PCDHA11: variants seen among roughly 807,000 people sequenced by gnomAD.
The protein encoded by PCDHA11 is protocadherin alpha-11.
A neutral mutation model predicts 70.3 loss-of-function variants in PCDHA11; 61 were observed. The observed-to-expected ratio is 0.87, with a 90% CI of 0.71 to 1.07. PCDHA11 has a LOEUF of 1.07. Among genes scored for constraint, PCDHA11 ranks in the 50% least tolerant of loss-of-function variants. The pLI is 0.00. For missense variants in PCDHA11, 1,324 were observed against 1,237.5 expected (o/e 1.07, Z -1.05); for synonymous variants, 633 against 555.1 (o/e 1.14, Z -1.97).
rs782085408 is a variant in PCDHA11, at chr5:140,870,885, C to A, written c.1782C>A (p.Arg594=). The change falls in exon 1 of 4, where the codon CGC becomes CGA. Residue 594 remains arginine (R), a synonymous_variant. Coordinates refer to ENST00000398640, the MANE Select transcript of PCDHA11 (RefSeq NM_018902.5). ...CGGGCCACGTGGTGGCGAAGGTGCG[C>A]GCAGTGGATGCGGACTCAGGCTACA... ...VGAGHVVAKV[R]AVDADSGYNA... is the part of the protein sequence containing the mutation. 5 of 1,613,800 alleles carry A rather than the reference C, an allele frequency of 3.1e-6. No individual in the cohort carries two copies. The African/African-American group carries it at 5.3e-5, about 17-fold the overall frequency.
intron 1 of PCDHA11, chr5:140,928,140 G>C (rs200493520): frequency 2.5e-5 from 41 of 1,614,036 alleles, no homozygotes; most frequent in Non-Finnish European, 3.2e-5. Context: ...TCCTGATCAC[G>C]GCCTCAGATA....
chr5:140,966,929 G>A (rs944732818), intron 1 of PCDHA11: 2 of 1,603,460 alleles, frequency 1.2e-6, no homozygotes, highest in African/African-American at 1.3e-5. Flanking sequence ...GCAGGCACCC[G>A]GCGCGCTCGT....
chr5:140,872,448 G>A (rs1164382380), intron 1 of PCDHA11, among the ~76,000 whole-genome samples: 2 of 151,992 alleles, frequency 1.3e-5, no homozygotes, highest in South Asian at 2.1e-4. Flanking sequence ...ACAACATAGC[G>A]AGATCCTGTC....
intron 1 of PCDHA11, among the ~76,000 whole-genome samples, chr5:140,909,836 C>T (rs2074710574): frequency 6.6e-6 from 1 of 152,176 alleles, no homozygotes; most frequent in South Asian, 2.1e-4. Flanking sequence ...ACTGGAGGAC[C>T]ACCAGGACGT....
intron 1 of PCDHA11, among the ~76,000 whole-genome samples, chr5:140,941,213 TCC>T (rs1491191685): frequency 2.4e-4 from 26 of 106,900 alleles, no homozygotes; most frequent in African/African-American, 9.0e-4. Context: ...CTTTCTTTCT[TCC>T]TTTCTTTCTT....
rs2096251750 is a variant in PCDHA11 at position 140,968,509 on chromosome 5, C to T, written c.2392-10440C>T. 3 of 1,614,162 alleles carry T rather than the reference C, an allele frequency of 1.9e-6. No individual in the cohort carries two copies. In the South Asian group the frequency reaches 3.3e-5, roughly 18 times the overall value. On this transcript the variant is annotated intron_variant, in intron 1 of 3. Coordinates refer to ENST00000398640, the MANE Select transcript of PCDHA11 (RefSeq NM_018902.5). Reference sequence around the variant, plus strand: ...ATGACCATGCCCCTCACATTCTGTACCCTACCTCAACCAACTCGTCAGCAG... The same window carrying T: ...ATGACCATGCCCCTCACATTCTGTATCCTACCTCAACCAACTCGTCAGCAG...
rs782355791 is a variant in PCDHA11, at chr5:140,982,576, G to A, written c.2539+13G>A. The A allele has an allele frequency of 5.6e-6, 9 of 1,613,152 alleles. No homozygotes were observed. In the Admixed American group the frequency reaches 6.7e-5, roughly 12 times the overall value. ...AGTGCAACACCAGGTAAAGAGCTGG[G>A]GTCTCTCCATTCTTTCTTGGTTTCT... On this transcript the variant is annotated intron_variant, in intron 3 of 3. Transcript: ENST00000398640.
intron 1 of PCDHA11, among the ~76,000 whole-genome samples, chr5:140,952,174 A>T (rs1376987356): frequency 6.6e-6 from 1 of 152,096 alleles, no homozygotes; most frequent in Non-Finnish European, 1.5e-5. Flanking sequence ...CAGTTCCTGC[A>T]GCTGCTCTCA....
chr5:140,911,953 G>T (rs1554195050), intron 1 of PCDHA11, among the ~76,000 whole-genome samples: 1 of 152,094 alleles, frequency 6.6e-6, no homozygotes, highest in Non-Finnish European at 1.5e-5. Context: ...TAAAGGGGAG[G>T]TTACTAAGGA....
intron 1 of PCDHA11, among the ~76,000 whole-genome samples, chr5:140,934,420 C>T (rs559621314): frequency 1.1e-4 from 16 of 152,184 alleles, no homozygotes; most frequent in Non-Finnish European, 1.8e-4. Flanking sequence ...TTTGCATTAT[C>T]AATGCAAGTG....
chr5:140,996,237 G>T (rs1169717703), intron 3 of PCDHA11, among the ~76,000 whole-genome samples: 1 of 152,186 alleles, frequency 6.6e-6, no homozygotes, highest in Non-Finnish European at 1.5e-5. Context: ...GTTGCTCAAG[G>T]CTGAGAAGTG....
rs2093299605 is a variant in PCDHA11 at position 140,942,442 on chromosome 5, TA to T, written c.2392-36504del. 4.0e-5 allele frequency among the ~76,000 whole-genome samples: 6 copies of T among 151,626 alleles called. No homozygotes were observed. In the South Asian group the frequency reaches 1.2e-3, roughly 31 times the overall value. ...AAAAAGATATCTAACAATAAACAAG[TA>T]AACTATCAATTATAATACAATCAAA... On this transcript the variant is annotated intron_variant, in intron 1 of 3. Coordinates refer to ENST00000398640, the MANE Select transcript of PCDHA11 (RefSeq NM_018902.5).
At chr5:140,970,146 C>A (rs1408492600) in intron 1 of PCDHA11, among the ~76,000 whole-genome samples, 3 of 152,156 alleles carry the variant, frequency 2.0e-5, no homozygotes, top group Admixed American at 6.5e-5. Context: ...AAAAAGAATT[C>A]TCCCAATAGT....
At chr5:140,895,026 A>G (rs549013601) in intron 1 of PCDHA11, among the ~76,000 whole-genome samples, 5 of 152,096 alleles carry the variant, frequency 3.3e-5, no homozygotes, top group African/African-American at 1.2e-4. Flanking sequence ...CCTTTGTTTA[A>G]TTGTCCCCCA....
chr5:140,887,788 G>A (rs1384145646), intron 1 of PCDHA11, among the ~76,000 whole-genome samples: 4 of 152,006 alleles, frequency 2.6e-5, no homozygotes, highest in Admixed American at 6.6e-5. Flanking sequence ...TCATTGAAGC[G>A]TTCTTTATTT....
At chr5:140,884,205 G>T (rs1554181325) in intron 1 of PCDHA11, 3 of 1,613,490 alleles carry the variant, frequency 1.9e-6, no homozygotes, top group East Asian at 4.5e-5. Context: ...CCGCACCACC[G>T]CCTTCTGGTG....
intron 1 of PCDHA11, chr5:140,968,172 T>C (rs2096226402): frequency 6.2e-7 from 1 of 1,614,110 alleles, no homozygotes; most frequent in Non-Finnish European, 8.5e-7. Flanking sequence ...CCACCAAGCT[T>C]CCTGGAGGAC....
At chr5:140,930,553 A>C (rs1252554591) in intron 1 of PCDHA11, 1 of 152,562 alleles carries the variant, frequency 6.6e-6, no homozygotes, top group Non-Finnish European at 1.5e-5. Flanking sequence ...TTAGGACAAC[A>C]TTTTGAAGCA....
At chr5:141,003,368 G>C (rs2098121009) in intron 3 of PCDHA11, among the ~76,000 whole-genome samples, 1 of 152,190 alleles carries the variant, frequency 6.6e-6, no homozygotes, top group Non-Finnish European at 1.5e-5. Flanking sequence ...CTGGAGTGCA[G>C]TGGTGCAATC....
Sources: gnomAD v4.1 joint callset for allele counts (sites outside exome capture counted in the v4.1 genomes callset) on GRCh38, gnomAD v4.1.1 for gene constraint, MANE v1.5 for transcripts, NCBI Gene and HGNC (gene_info 2026-07-23, HGNC 2026-07-21) for gene names.